SEC14L5: variants seen among roughly 807,000 people sequenced by gnomAD.
The protein encoded by SEC14L5 is SEC14-like protein 5.
A neutral mutation model predicts 84.6 loss-of-function variants in SEC14L5; 96 were observed. The observed-to-expected ratio is 1.13, with a 90% CI of 0.96 to 1.34. SEC14L5 has a LOEUF of 1.34. Ranked by LOEUF, SEC14L5 falls within the 40% of genes most tolerant of loss-of-function variation. The probability of loss-of-function intolerance (pLI) is 0.00; values close to 1 mark genes in which losing one functional copy is unlikely to be tolerated. For missense variants in SEC14L5, 1,224 were observed against 942.5 expected, an observed-to-expected ratio of 1.30 and a Z score of -3.91; for synonymous variants, 546 against 383.4, an observed-to-expected ratio of 1.42 and a Z score of -4.95.
chr16:4,985,498 G>A (rs181613369), intron 2 of SEC14L5, among the ~76,000 whole-genome samples: 147 of 152,308 alleles, frequency 9.7e-4, no homozygotes, highest in African/African-American at 3.4e-3. Context: ...AAGGTTCTGG[G>A]ATTAGAAGCG....
chr16:4,959,796 C>T (rs1395164336), intron 2 of SEC14L5, among the ~76,000 whole-genome samples: 1 of 152,092 alleles, frequency 6.6e-6, no homozygotes, highest in East Asian at 1.9e-4. Flanking sequence ...CTTCCAATTC[C>T]CGATAGCTGT....
intron 2 of SEC14L5, among the ~76,000 whole-genome samples, chr16:4,961,816 G>C (rs556154960): frequency 6.6e-6 from 1 of 152,146 alleles, no homozygotes; most frequent in Non-Finnish European, 1.5e-5. Context: ...TGGGTCCTTG[G>C]ACTGTCAGAG....
intron 11 of SEC14L5, among the ~76,000 whole-genome samples, chr16:5,005,532 TTAATTC>T (rs377622580): frequency 5.3e-4 from 80 of 151,654 alleles, no homozygotes; most frequent in African/African-American, 1.8e-3. Flanking sequence ...TTTATAATGA[TTAATTC>T]TATGTTGTAT....
chr16:4,996,222 G>T (rs1272487651), intron 6 of SEC14L5, 126 bp from the exon 7 acceptor site: 1 of 620,548 alleles, frequency 1.6e-6, no homozygotes, highest in Non-Finnish European at 3.0e-6. Flanking sequence ...TGGGGCGGGG[G>T]CTTAGCCTGG....
At chr16:5,007,290 T>C in intron 12 of SEC14L5, 62 bp from the exon 13 acceptor site, 2 of 1,545,264 alleles carry the variant, frequency 1.3e-6, no homozygotes. Flanking sequence ...CACCCTTCTG[T>C]GGGTCAGGCC....
intron 14 of SEC14L5, 100 bp from the exon 15 acceptor site, chr16:5,010,995 C>G (rs560053612): frequency 8.3e-7 from 1 of 1,199,878 alleles, no homozygotes; most frequent in South Asian, 1.5e-5. Context: ...AGAAGAGCCC[C>G]AATTTCCAGG....
Position 4,988,055 on chromosome 16 carries a change from G to A in SEC14L5, c.214-94G>A. 1.2e-5 allele frequency: 17 copies of A among 1,369,274 alleles called. No homozygotes were observed. In the South Asian group the frequency reaches 2.1e-4, roughly 17 times the overall value. 84.8% of individuals were successfully genotyped at this position (1,369,274 alleles called of 1,614,324 possible). A position where few individuals can be genotyped will look rare whatever the true frequency, so the allele number is the denominator to read the frequency against. ...GCAAGGGACCTGGGACTCAGGGCAGGGGGTGACTGGGGCAGGCCCGCCGGA... is the reference window on the plus strand; with the variant it reads ...GCAAGGGACCTGGGACTCAGGGCAGAGGGTGACTGGGGCAGGCCCGCCGGA... On this transcript the variant is annotated intron_variant, in intron 3 of 15. Transcript: ENST00000251170.
chr16:4,963,267 A>C (rs188149904), intron 2 of SEC14L5, among the ~76,000 whole-genome samples: 35 of 152,322 alleles, frequency 2.3e-4, no homozygotes, highest in Admixed American at 1.3e-3. Flanking sequence ...AGTCAAATAA[A>C]CAGAGATTTC....
At chr16:5,011,541 G>A (rs1032965661) in intron 15 of SEC14L5, among the ~76,000 whole-genome samples, 3 of 152,204 alleles carry the variant, frequency 2.0e-5, no homozygotes, top group African/African-American at 7.2e-5. Flanking sequence ...GCAGTTGGAG[G>A]GGAGGAGAAG....
At chr16:4,990,995 C>A in intron 5 of SEC14L5, 100 bp downstream of exon 5, 2 of 985,350 alleles carry the variant, frequency 2.0e-6, no homozygotes, top group Non-Finnish European at 2.9e-6. Flanking sequence ...CCTTCCTGGG[C>A]TCAGTGTTAT....
intron 2 of SEC14L5, among the ~76,000 whole-genome samples, chr16:4,987,120 C>G (rs1488290497): frequency 6.6e-6 from 1 of 152,002 alleles, no homozygotes; most frequent in Non-Finnish European, 1.5e-5. Context: ...AGCACTCATT[C>G]ACCAGGGATG....
chr16:5,006,323 G>T (rs1955731871), intron 12 of SEC14L5, among the ~76,000 whole-genome samples: 1 of 152,192 alleles, frequency 6.6e-6, no homozygotes, highest in Admixed American at 6.5e-5. Flanking sequence ...TAAAGATTAG[G>T]CCAGTCAAAG....
rs554063537 is a variant in SEC14L5, at chr16:4,973,271, C to T, written c.63+13885C>T. 1.9e-4 allele frequency among the ~76,000 whole-genome samples: 29 copies of T among 152,348 alleles called. No homozygotes were observed. The South Asian group carries it at 6.0e-3, about 32-fold the overall frequency. Reference sequence around the variant, plus strand: ...AGTCCAGGTGCCCTGGCTGCAGACGCTGTTCTGACCCTGTGTCTCCATCTC... The same window carrying T: ...AGTCCAGGTGCCCTGGCTGCAGACGTTGTTCTGACCCTGTGTCTCCATCTC... On this transcript the variant is annotated intron_variant, in intron 2 of 15. Coordinates refer to ENST00000251170, the MANE Select transcript of SEC14L5 (RefSeq NM_014692.2).
Position 5,015,547 on chromosome 16 carries a change from G to A in SEC14L5, c.*577G>A, listed in dbSNP as rs973967583. ...TCTGGACCAATCACCGTGATCCAGG[G>A]TTGCAGTGAGGTGCAGTGATTGGCC... On this transcript the variant is annotated 3_prime_UTR_variant, in exon 16 of 16. Coordinates refer to ENST00000251170, the MANE Select transcript of SEC14L5 (RefSeq NM_014692.2). 1.3e-5 allele frequency: 2 copies of A among 153,652 alleles called. No homozygotes were observed. Among genetic ancestry groups the A allele is most frequent in the Non-Finnish European group, 2.9e-5 (2 of 68,912 alleles). 9.5% of individuals were successfully genotyped at this position (153,652 alleles called of 1,614,324 possible). A position where few individuals can be genotyped will look rare whatever the true frequency, so the allele number is the denominator to read the frequency against.
chr16:4,974,327 G>A (rs1379571232), intron 2 of SEC14L5, among the ~76,000 whole-genome samples: 3 of 151,756 alleles, frequency 2.0e-5, no homozygotes, highest in African/African-American at 2.4e-5. Flanking sequence ...CCAGCCTCCC[G>A]AGTAGCTGGG....
chr16:5,008,325 C>G lies in SEC14L5; in HGVS notation c.1573-96C>G. On this transcript the variant is annotated intron_variant, in intron 13 of 15. Transcript: ENST00000251170. ...TGAGCGTGTGCCTGGGAAAGGAGAC[C>G]CCAGGGGGCACCCACAGCCCCTCCT... The G allele has an allele frequency of 4.6e-6, 4 of 864,810 alleles. No homozygotes were observed. The South Asian group carries it at 5.8e-5, about 13-fold the overall frequency. The allele number at this position is 864,810 out of a possible 1,614,324, so 53.6% of individuals were successfully genotyped here. A position where few individuals can be genotyped will look rare whatever the true frequency, so the allele number is the denominator to read the frequency against.
intron 14 of SEC14L5, among the ~76,000 whole-genome samples, chr16:5,009,314 G>T (rs1309729567): frequency 6.6e-6 from 1 of 150,498 alleles, no homozygotes; most frequent in Non-Finnish European, 1.5e-5. Flanking sequence ...CTTAAATCCT[G>T]TTTTTTTTTG....
intron 2 of SEC14L5, among the ~76,000 whole-genome samples, chr16:4,963,592 C>T (rs909613925): frequency 2.6e-5 from 4 of 152,220 alleles, no homozygotes; most frequent in South Asian, 2.1e-4. Flanking sequence ...GTGTTCCGCC[C>T]GCCTTGGCCT....
intron 8 of SEC14L5, among the ~76,000 whole-genome samples, chr16:4,997,326 C>G (rs1955623604): frequency 6.6e-6 from 1 of 152,230 alleles, no homozygotes. Flanking sequence ...TCCCAAATTC[C>G]TAATCTCAAG....
Sources: gnomAD v4.1 joint callset for allele counts (sites outside exome capture counted in the v4.1 genomes callset) on GRCh38, gnomAD v4.1.1 for gene constraint, MANE v1.5 for transcripts, NCBI Gene and HGNC (gene_info 2026-07-23, HGNC 2026-07-21) for gene names.